IGSF11: variants seen among roughly 807,000 people sequenced by gnomAD.
IGSF11 encodes the protein CXADR like 1.
Under a neutral mutation model 41.0 loss-of-function variants are expected in IGSF11, and 22 were observed. The observed-to-expected ratio is 0.54, with a 90% CI of 0.38 to 0.77. IGSF11 has a LOEUF of 0.77. Among genes scored for constraint, IGSF11 ranks in the 30% least tolerant of loss-of-function variants. The pLI, the probability that IGSF11 is intolerant of heterozygous loss-of-function variation, is 0.00. For synonymous variants in IGSF11, 219 were observed against 201.3 expected (o/e 1.09, Z -0.74); for missense variants, 444 against 530.8 (o/e 0.84, Z 1.61).
intron 1 of IGSF11, among the ~76,000 whole-genome samples, chr3:118,931,706 T>C (rs1399928625): frequency 2.0e-5 from 3 of 151,932 alleles, no homozygotes; most frequent in South Asian, 2.1e-4. Flanking sequence ...CCTGTGATGG[T>C]TGTACAACTC....
intron 1 of IGSF11, among the ~76,000 whole-genome samples, chr3:119,065,388 T>C (rs1942192385): frequency 6.6e-6 from 1 of 152,210 alleles, no homozygotes; most frequent in Admixed American, 6.5e-5. Context: ...TTTTTACATA[T>C]AATTGGATTT....
intron 1 of IGSF11, among the ~76,000 whole-genome samples, chr3:119,015,658 A>G (rs911582299): frequency 6.6e-6 from 1 of 151,978 alleles, no homozygotes; most frequent in Admixed American, 6.6e-5. Flanking sequence ...TCTTTAGTCT[A>G]TTTTTGCCTC....
At chr3:118,988,344 A>G (rs1935455842) in intron 1 of IGSF11, among the ~76,000 whole-genome samples, 1 of 152,190 alleles carries the variant, frequency 6.6e-6, no homozygotes, top group Admixed American at 6.5e-5. Context: ...TACCCTAGAG[A>G]TAATTCAGTC....
At chr3:118,957,623 C>A (rs923494315) in intron 1 of IGSF11, among the ~76,000 whole-genome samples, 11 of 152,196 alleles carry the variant, frequency 7.2e-5, no homozygotes, top group African/African-American at 2.2e-4. Flanking sequence ...TCCTTGTAGG[C>A]TAGCTTATTT....
At chr3:119,084,094 A>T (rs2717262) in intron 1 of IGSF11, among the ~76,000 whole-genome samples, 47,209 of 151,938 alleles carry the variant, frequency 0.31, 7,837 homozygotes, top group Middle Eastern at 0.39. Context: ...AAAAGTTTTA[A>T]AAGTATAAAA....
At chr3:119,133,084 T>G (rs2077506835) in intron 1 of IGSF11, among the ~76,000 whole-genome samples, 1 of 152,204 alleles carries the variant, frequency 6.6e-6, no homozygotes, top group Non-Finnish European at 1.5e-5. Context: ...GAAGGAAATT[T>G]ATAGCACTAA....
rs1389527709 is a variant in IGSF11 at position 118,909,124 on chromosome 3, TG to T, written c.581-3407del. Among the ~76,000 whole-genome samples, 9 of 152,278 alleles carry T rather than the reference TG, an allele frequency of 5.9e-5. No individual in the cohort carries two copies. The East Asian group carries it at 1.5e-3, about 26-fold the overall frequency. The stretch of plus-strand genomic sequence containing the variant: ...AAATTCAGTCAAGAAATATGAAAAA[TG>T]TCTAGTGTCTCCCAATGGATATTAA... On this transcript the variant is annotated intron_variant, in intron 4 of 6. Transcript: ENST00000393775.
intron 1 of IGSF11, among the ~76,000 whole-genome samples, chr3:119,022,127 CAACATGAATG>C (rs1330813827): frequency 2.6e-5 from 4 of 152,062 alleles, no homozygotes. Context: ...GTATATGCTA[CAACATGAATG>C]AACCTTGAAA....
At chr3:119,047,821 C>G (rs1373059805) in intron 1 of IGSF11, among the ~76,000 whole-genome samples, 5 of 152,006 alleles carry the variant, frequency 3.3e-5, no homozygotes, top group African/African-American at 1.2e-4. Flanking sequence ...TGCAATCAAA[C>G]TAGAACTCAG....
intron 1 of IGSF11, among the ~76,000 whole-genome samples, chr3:119,138,809 T>C (rs1017847385): frequency 2.0e-5 from 3 of 151,994 alleles, no homozygotes; most frequent in African/African-American, 7.3e-5. Flanking sequence ...TTGTGGGAGC[T>C]AGAAATAAAA....
At position 119,090,099 on chromosome 3, in the gene IGSF11, C is replaced by G. The variant is rs1255174551; in HGVS notation, c.49+15045G>C. On this transcript the variant is annotated intron_variant, in intron 1 of 6. Transcript: ENST00000354673. ...AATCAGTAGCATTTCTATATACTGA[C>G]AGTCTCCAGGGTGAGAGTGAAATAA... is the stretch of plus-strand genomic sequence containing the variant. Among the ~76,000 whole-genome samples, 3 of 152,104 alleles carry G rather than the reference C, an allele frequency of 2.0e-5. No homozygotes were observed. In the East Asian group the frequency reaches 5.8e-4, roughly 29 times the overall value.
chr3:119,048,137 T>C (rs1941449207), intron 1 of IGSF11, among the ~76,000 whole-genome samples: 3 of 151,410 alleles, frequency 2.0e-5, no homozygotes, highest in Admixed American at 2.0e-4. Flanking sequence ...AGGCAAGAAA[T>C]AACTAAAATC....
chr3:119,005,306 C>A (rs1330861176), intron 1 of IGSF11, among the ~76,000 whole-genome samples: 2 of 147,618 alleles, frequency 1.4e-5, no homozygotes, highest in Non-Finnish European at 3.0e-5. Flanking sequence ...TTTTGTTTTC[C>A]ATTTGCTTGG....
chr3:118,998,337 T>A (rs1487642386), intron 1 of IGSF11, among the ~76,000 whole-genome samples: 1 of 152,186 alleles, frequency 6.6e-6, no homozygotes, highest in Non-Finnish European at 1.5e-5. Flanking sequence ...ATATTAGAAT[T>A]GTTGAAGTCA....
rs1444249921 is a variant in IGSF11, at chr3:118,971,160, G to A, written c.53-40885C>T. Among the ~76,000 whole-genome samples the A allele has an allele frequency of 2.0e-5, 3 of 152,198 alleles. No individual in the cohort carries two copies. The East Asian group carries it at 5.8e-4, about 29-fold the overall frequency. ...ATTAAAGAACAAAAAGTACTAGAATGACTGAAGCATACAACGGGCATTTAT... is the reference window on the plus strand; with the variant it reads ...ATTAAAGAACAAAAAGTACTAGAATAACTGAAGCATACAACGGGCATTTAT... On this transcript the variant is annotated intron_variant, in intron 1 of 6. Coordinates refer to ENST00000393775, the MANE Select transcript of IGSF11 (RefSeq NM_001015887.3).
intron 1 of IGSF11, among the ~76,000 whole-genome samples, chr3:119,059,381 G>A (rs1367577930): frequency 6.6e-6 from 1 of 152,110 alleles, no homozygotes; most frequent in African/African-American, 2.4e-5. Context: ...AAAGGCGTAA[G>A]AATGATAAAT....
chr3:118,920,139 T>A (rs1490044412), intron 4 of IGSF11, among the ~76,000 whole-genome samples: 1 of 138,554 alleles, frequency 7.2e-6, no homozygotes, highest in Non-Finnish European at 1.6e-5. Flanking sequence ...AGGGATAGCA[T>A]TGGGAGATAT....
chr3:118,918,576 G>C (rs1320862017), intron 4 of IGSF11, among the ~76,000 whole-genome samples: 1 of 140,992 alleles, frequency 7.1e-6, no homozygotes, highest in Non-Finnish European at 1.5e-5. Flanking sequence ...TCTTCGAGGA[G>C]AACTACAAAC....
rs185532670 is a variant in IGSF11 at position 119,056,269 on chromosome 3, T to C, written c.49+48875A>G. Among the ~76,000 whole-genome samples, 38 of 151,716 alleles carry C rather than the reference T, an allele frequency of 2.5e-4. No individual in the cohort carries two copies. In the Middle Eastern group the frequency reaches 0.01, roughly 41 times the overall value. On this transcript the variant is annotated intron_variant, in intron 1 of 6. Coordinates refer to the IGSF11 transcript ENST00000354673. Reference sequence around the variant, plus strand: ...AGAGAGAAGAATCAAATAGACGCAATAAAAAAATGATAAAGGGGATATCAC... The same window carrying C: ...AGAGAGAAGAATCAAATAGACGCAACAAAAAAATGATAAAGGGGATATCAC...
Sources: allele counts gnomAD v4.1 joint callset (sites outside exome capture counted in the v4.1 genomes callset), GRCh38; gene constraint gnomAD v4.1.1; transcripts MANE v1.5; gene names NCBI Gene and HGNC (gene_info 2026-07-23, HGNC 2026-07-21).